The following ZFAT variants were observed in gnomAD, a reference collection of about 807,000 sequenced individuals.
ZFAT encodes the protein zinc finger protein ZFAT.
A neutral mutation model predicts 117.7 loss-of-function variants in ZFAT; 64 were observed. The observed-to-expected ratio is 0.54, with a 90% CI of 0.44 to 0.67. The LOEUF (loss-of-function observed/expected upper bound fraction) is 0.67. ZFAT is among the 30% of genes least tolerant of loss of function. The pLI, the probability that ZFAT is intolerant of heterozygous loss-of-function variation, is 0.00. For missense variants in ZFAT, 1,433 were observed against 1,584.5 expected, an observed-to-expected ratio of 0.90 and a Z score of 1.62; for synonymous variants, 679 against 615.0, an observed-to-expected ratio of 1.10 and a Z score of -1.54.
At chr8:134,654,684 T>C (rs556703247) in intron 2 of ZFAT, among the ~76,000 whole-genome samples, 2 of 152,130 alleles carry the variant, frequency 1.3e-5, no homozygotes, top group East Asian at 3.9e-4. Context: ...GAGCAAAGGG[T>C]GACAGCTGGG....
intron 2 of ZFAT, among the ~76,000 whole-genome samples, chr8:134,643,884 A>G (rs926833908): frequency 5.3e-5 from 8 of 152,218 alleles, no homozygotes; most frequent in African/African-American, 1.7e-4. Context: ...TCTGATTCCA[A>G]GACGTGTGCC....
At chr8:134,667,683 C>A (rs970577062) in intron 1 of ZFAT, among the ~76,000 whole-genome samples, 1 of 151,766 alleles carries the variant, frequency 6.6e-6, no homozygotes, top group Admixed American at 6.6e-5. Context: ...CCAGCATGAG[C>A]GACACAGAAG....
At chr8:134,739,562 C>T in the ZFAT span, among the ~76,000 whole-genome samples, 16 of 152,272 alleles carry the variant, frequency 1.1e-4, 1 homozygote, top group South Asian at 4.1e-4. Flanking sequence ...CAGATTCATG[C>T]ATTCTTTCAT....
intron 15 of ZFAT, among the ~76,000 whole-genome samples, chr8:134,499,141 T>G (rs1278449623): frequency 3.3e-5 from 4 of 120,156 alleles, no homozygotes; most frequent in Non-Finnish European, 7.2e-5. Context: ...CCTGATTTGG[T>G]AGGGTTGGCG....
chr8:134,520,865 C>T lies in ZFAT; in HGVS notation c.3234+18G>A. ...TGTTTTGAAATGTCAAGATTAATAC[C>T]ATACTTAAAAAAATTACCTCCCACT... On this transcript the variant is annotated intron_variant, in intron 13 of 15. Coordinates refer to ENST00000377838, the MANE Select transcript of ZFAT (RefSeq NM_020863.4). 1 of 1,597,400 alleles carries T rather than the reference C, an allele frequency of 6.3e-7. No homozygotes were observed. Among genetic ancestry groups the T allele is most frequent in the Non-Finnish European group, 8.6e-7 (1 of 1,165,948 alleles).
At chr8:134,579,846 GGAGGCT>G (rs1477245618) in intron 10 of ZFAT, among the ~76,000 whole-genome samples, 1 of 151,936 alleles carries the variant, frequency 6.6e-6, no homozygotes, top group Non-Finnish European at 1.5e-5. Context: ...AGCTATGGTG[GGAGGCT>G]GAGGCACAAG....
chr8:134,652,580 G>C (rs569708514), intron 2 of ZFAT, among the ~76,000 whole-genome samples: 2 of 152,150 alleles, frequency 1.3e-5, no homozygotes, highest in African/African-American at 4.8e-5. Context: ...TCTATACAAA[G>C]AGCTCCTACA....
chr8:134,596,256 C>T (rs1826922556), intron 7 of ZFAT, among the ~76,000 whole-genome samples: 1 of 152,172 alleles, frequency 6.6e-6, no homozygotes, highest in Admixed American at 6.5e-5. Context: ...CCAGAGAAAG[C>T]AGGGAAGTAT....
chr8:134,653,165 TC>T (rs1426627421), intron 2 of ZFAT, among the ~76,000 whole-genome samples: 3 of 146,130 alleles, frequency 2.1e-5, no homozygotes, highest in African/African-American at 7.7e-5. Flanking sequence ...GTTTTTTTTT[TC>T]ATTATTATTA....
At chr8:134,570,944 G>A (rs1009366535) in intron 10 of ZFAT, among the ~76,000 whole-genome samples, 13 of 152,206 alleles carry the variant, frequency 8.5e-5, no homozygotes, top group Admixed American at 3.3e-4. Flanking sequence ...AGAGCACAGC[G>A]AAGACAGACA....
intron 3 of ZFAT, among the ~76,000 whole-genome samples, chr8:134,612,397 C>T (rs963701149): frequency 2.0e-5 from 3 of 152,142 alleles, no homozygotes; most frequent in African/African-American, 7.2e-5. Flanking sequence ...TTCAACTCTG[C>T]CTAAAGCCAG....
At chr8:134,650,118 A>AT (rs771675719) in intron 2 of ZFAT, among the ~76,000 whole-genome samples, 10 of 143,076 alleles carry the variant, frequency 7.0e-5, no homozygotes, top group Admixed American at 3.5e-4. Flanking sequence ...TTTCTTTTTT[A>AT]TTTTTTTTCT....
intron 10 of ZFAT, among the ~76,000 whole-genome samples, chr8:134,580,807 G>A (rs1034438832): frequency 2.0e-5 from 3 of 152,042 alleles, no homozygotes; most frequent in South Asian, 2.1e-4. Flanking sequence ...CATACCATAC[G>A]CTAAAATAAA....
chr8:134,552,543 G>A (rs4909482), intron 11 of ZFAT, among the ~76,000 whole-genome samples: 3 of 151,988 alleles, frequency 2.0e-5, no homozygotes, highest in Non-Finnish European at 4.4e-5. Flanking sequence ...CATTTTTGAA[G>A]ATTCAATTGC....
intron 5 of ZFAT, 93 bp from the exon 6 acceptor site, chr8:134,603,026 A>G (rs1043901865): frequency 1.3e-6 from 2 of 1,507,362 alleles, no homozygotes; most frequent in East Asian, 2.3e-5. Flanking sequence ...CTAAAGGCTG[A>G]AAAGTGAACA....
the ZFAT span, among the ~76,000 whole-genome samples, chr8:134,753,372 C>T: frequency 1.3e-5 from 2 of 151,950 alleles, no homozygotes; most frequent in Non-Finnish European, 2.9e-5. Context: ...CCTGTATTTA[C>T]CAAAAAAAGG....
At chr8:134,520,535 T>C (rs1820582130) in intron 13 of ZFAT, among the ~76,000 whole-genome samples, 1 of 152,216 alleles carries the variant, frequency 6.6e-6, no homozygotes, top group South Asian at 2.1e-4. Flanking sequence ...TCCAATTCTC[T>C]CGGTGAGGAT....
intron 1 of ZFAT, among the ~76,000 whole-genome samples, chr8:134,663,409 G>A (rs1832040064): frequency 2.6e-5 from 4 of 152,176 alleles, no homozygotes; most frequent in Admixed American, 2.6e-4. Flanking sequence ...GAAGGAAGGA[G>A]AGCTGGCCAG....
At chr8:134,777,770 C>G in the ZFAT span, among the ~76,000 whole-genome samples, 1 of 152,170 alleles carries the variant, frequency 6.6e-6, no homozygotes, top group Non-Finnish European at 1.5e-5. Context: ...CTTTCTGCTT[C>G]TATGACATTG....
Sources: gnomAD v4.1 joint callset for allele counts (sites outside exome capture counted in the v4.1 genomes callset) on GRCh38, gnomAD v4.1.1 for gene constraint, MANE v1.5 for transcripts, NCBI Gene and HGNC (gene_info 2026-07-23, HGNC 2026-07-21) for gene names.